Variants in KLHL7 observed in about 807,000 individuals in gnomAD.
KLHL7 encodes the protein kelch-like protein 7.
In KLHL7, 44 loss-of-function variants were observed where a neutral mutation model predicts 67.4. That is an observed-to-expected ratio of 0.65 (90% CI 0.51 to 0.84). The LOEUF is 0.84. KLHL7 is among the 40% of genes least tolerant of loss of function. The pLI is 0.00. For missense variants in KLHL7, 362 were observed against 718.1 expected (o/e 0.50, Z 5.67); for synonymous variants, 252 against 243.3 (o/e 1.04, Z -0.33).
chr7:23,170,051 A>G (rs748426979), intron 9 of KLHL7, among the ~76,000 whole-genome samples: 2 of 152,142 alleles, frequency 1.3e-5, no homozygotes, highest in Non-Finnish European at 2.9e-5. Context: ...CTCGTCTAAA[A>G]ATACCAAAAA....
intron 3 of KLHL7, 28 bp downstream of exon 3, chr7:23,124,809 A>G: frequency 7.1e-7 from 1 of 1,410,942 alleles, no homozygotes; most frequent in South Asian, 1.2e-5. Context: ...TTTATTTTAG[A>G]GAAGTAATGT....
intron 4 of KLHL7, among the ~76,000 whole-genome samples, chr7:23,138,295 C>G (rs1029400935): frequency 2.6e-5 from 4 of 151,426 alleles, no homozygotes; most frequent in Non-Finnish European, 5.9e-5. Context: ...AACCCCGTCT[C>G]TACTAAAAAT....
intron 4 of KLHL7, chr7:23,129,458 C>A: frequency 2.8e-6 from 1 of 352,322 alleles, no homozygotes; most frequent in Non-Finnish European, 5.6e-6. Flanking sequence ...AGGACACTGC[C>A]ATAGGCAGAA....
chr7:23,140,510 T>C (rs1784140384), intron 4 of KLHL7: 1 of 447,356 alleles, frequency 2.2e-6, no homozygotes, highest in Non-Finnish European at 4.1e-6. Flanking sequence ...TGAGCCGAGA[T>C]CGCGCCACTG....
intron 1 of KLHL7, among the ~76,000 whole-genome samples, chr7:23,113,610 C>G (rs111641576): frequency 0.076 from 11,553 of 152,200 alleles, 1,242 homozygotes; most frequent in African/African-American, 0.23. Flanking sequence ...GCAGGCAGAT[C>G]ACTTGAGGCC....
chr7:23,175,978 A>AAAAAAG lies in KLHL7; in HGVS notation c.*1680_*1681insAAAAAG, dbSNP rs1785287927. On this transcript the variant is annotated 3_prime_UTR_variant, in exon 11 of 11. Coordinates refer to ENST00000339077, the MANE Select transcript of KLHL7 (RefSeq NM_001031710.3). ...TAAAAAAAAAAAAAAAAAAAAAAAA[A>AAAAAAG]TGTATTATTCAGTGGTTTTTAATAT... is the stretch of plus-strand genomic sequence containing the variant. 1 of 149,420 alleles carries AAAAAAG rather than the reference A, an allele frequency of 6.7e-6. No individual in the cohort carries two copies. Among genetic ancestry groups the AAAAAAG allele is most frequent in the African/African-American group, 2.5e-5 (1 of 40,458 alleles). The allele number at this position is 149,420 out of a possible 1,614,324, so 9.3% of individuals were successfully genotyped here.
chr7:23,126,622 T>A (rs1242876387), intron 4 of KLHL7, among the ~76,000 whole-genome samples: 8 of 152,310 alleles, frequency 5.3e-5, no homozygotes, highest in African/African-American at 1.9e-4. Flanking sequence ...GCAAGTCTCC[T>A]CTGTCCCTAC....
Position 23,124,601 on chromosome 7 carries a change from A to T in KLHL7, c.224-87A>T. 3 of 812,062 alleles carry T rather than the reference A, an allele frequency of 3.7e-6. No individual in the cohort carries two copies. In the Admixed American group the frequency reaches 5.4e-5, roughly 15 times the overall value. 50.3% of individuals were successfully genotyped at this position (812,062 alleles called of 1,614,324 possible). ...GAGAACTGTCCCGTTATTTTTCTGCATATTTAACATGGCCTGGAATGCCGT... is the reference window on the plus strand; with the variant it reads ...GAGAACTGTCCCGTTATTTTTCTGCTTATTTAACATGGCCTGGAATGCCGT... On this transcript the variant is annotated intron_variant, in intron 2 of 10. Coordinates refer to ENST00000339077, the MANE Select transcript of KLHL7 (RefSeq NM_001031710.3).
intron 1 of KLHL7, among the ~76,000 whole-genome samples, chr7:23,110,891 A>C (rs1417316636): frequency 6.6e-6 from 1 of 150,646 alleles, no homozygotes; most frequent in Non-Finnish European, 1.5e-5. Context: ...CTTACTATTT[A>C]TTTATTACTC....
At chr7:23,106,293 T>G in intron 1 of KLHL7, 147 bp downstream of exon 1, 3 of 1,517,138 alleles carry the variant, frequency 2.0e-6, no homozygotes, top group Non-Finnish European at 2.7e-6. Context: ...GGCGAGCGAT[T>G]CCGCAGTTGG....
rs1396854100 is a variant in KLHL7 at position 23,174,309 on chromosome 7, G to A, written c.*11G>A. ...ACCCTTGAAACATGAAAAATGAGTG[G>A]ACTTCAGACTCATCAGAGACTCTAA... is the stretch of plus-strand genomic sequence containing the variant. On this transcript the variant is annotated 3_prime_UTR_variant, in exon 11 of 11. Transcript: ENST00000339077. The A allele has an allele frequency of 6.2e-7, 1 of 1,613,132 alleles. No individual in the cohort carries two copies. Among genetic ancestry groups the A allele is most frequent in the East Asian group, 2.2e-5 (1 of 44,786 alleles).
intron 1 of KLHL7, chr7:23,117,894 A>G: frequency 7.4e-6 from 12 of 1,614,046 alleles, no homozygotes; most frequent in Non-Finnish European, 9.3e-6. Context: ...ATTTATACTC[A>G]ATGCCAATTT....
intron 7 of KLHL7, among the ~76,000 whole-genome samples, chr7:23,153,930 C>T (rs2091491): frequency 0.93 from 140,921 of 152,278 alleles, 65,388 homozygotes; most frequent in East Asian, 0.99. Context: ...GATCAGGGCT[C>T]CACAGACTTT....
chr7:23,162,464 A>G (rs866911381), intron 7 of KLHL7, among the ~76,000 whole-genome samples: 3 of 152,224 alleles, frequency 2.0e-5, no homozygotes, highest in African/African-American at 7.2e-5. Flanking sequence ...ATTGGATGCT[A>G]GGACTGAAAG....
intron 6 of KLHL7, among the ~76,000 whole-genome samples, chr7:23,150,493 TA>T (rs1784497588): frequency 1.3e-5 from 2 of 152,176 alleles, no homozygotes; most frequent in Non-Finnish European, 2.9e-5. Flanking sequence ...CATTCCATAT[TA>T]TTTATTGGAG....
intron 8 of KLHL7, among the ~76,000 whole-genome samples, chr7:23,166,899 A>T (rs1046639729): frequency 1.3e-5 from 2 of 152,054 alleles, no homozygotes; most frequent in Non-Finnish European, 2.9e-5. Flanking sequence ...ATTTTCCTAT[A>T]GTGTCCACCC....
chr7:23,147,095 T>C (rs572327616), intron 6 of KLHL7, among the ~76,000 whole-genome samples: 1 of 131,988 alleles, frequency 7.6e-6, no homozygotes, highest in Non-Finnish European at 1.6e-5. Flanking sequence ...TAACCTGGAC[T>C]TTTTTTTTTT....
At chr7:23,106,339 G>T (rs544311036) in intron 1 of KLHL7, 193 bp downstream of exon 1, 211 of 1,435,930 alleles carry the variant, frequency 1.5e-4, no homozygotes, top group Middle Eastern at 1.3e-3. Context: ...GAGCAAAAGT[G>T]CTTCTCGTCT....
At chr7:23,127,505 G>A (rs769070798) in intron 4 of KLHL7, among the ~76,000 whole-genome samples, 13 of 152,038 alleles carry the variant, frequency 8.6e-5, no homozygotes, top group African/African-American at 3.1e-4. Flanking sequence ...CTTGAGCATG[G>A]CTCTCAATGT....
Sources: allele counts gnomAD v4.1 joint callset (sites outside exome capture counted in the v4.1 genomes callset), GRCh38; gene constraint gnomAD v4.1.1; transcripts MANE v1.5; gene names NCBI Gene and HGNC (gene_info 2026-07-23, HGNC 2026-07-21).